PBRM1: variants seen among roughly 807,000 people sequenced by gnomAD.
PBRM1 encodes polybromo 1.
In PBRM1, 27 loss-of-function variants were observed where a neutral mutation model predicts 194.5. The observed-to-expected ratio is 0.14, with a 90% CI of 0.10 to 0.19. The LOEUF (loss-of-function observed/expected upper bound fraction) is 0.19. Ranked by LOEUF, PBRM1 falls within the 10% of genes least tolerant of loss-of-function variation. The pLI is 1.00. For missense variants in PBRM1, 1,466 were observed against 2,077.2 expected, an observed-to-expected ratio of 0.71 and a Z score of 5.72; for synonymous variants, 655 against 693.2, an observed-to-expected ratio of 0.94 and a Z score of 0.87.
exon 24 of PBRM1, chr3:52,563,402 C>T (rs1461443682): frequency 1.9e-6 from 3 of 1,613,978 alleles, no homozygotes; most frequent in South Asian, 2.2e-5. Flanking sequence ...ATATCATCAT[C>T]TCCACCTTCT....
rs369160538 is a variant in PBRM1 at position 52,550,649 on chromosome 3, C to G, written c.4681-12G>C. 3 of 1,552,956 alleles carry G rather than the reference C, an allele frequency of 1.9e-6. No individual in the cohort carries two copies. Among genetic ancestry groups the G allele is most frequent in the African/African-American group, 1.4e-5 (1 of 73,006 alleles). ...CCCAAAACTCCCACCTGAAAGAGCA[C>G]AGGACCACATGGTGAGGCAAAAAGA... On this transcript the variant is annotated splice_polypyrimidine_tract_variant and intron_variant, in intron 28 of 29. Transcript: ENST00000296302.
At chr3:52,653,407 T>C (rs2096546613) in intron 5 of PBRM1, among the ~76,000 whole-genome samples, 1 of 151,744 alleles carries the variant, frequency 6.6e-6, no homozygotes, top group Non-Finnish European at 1.5e-5. Context: ...CTGGCCAACA[T>C]GGTGAAACCC....
rs1282566387 is a variant in PBRM1, at chr3:52,678,353, T to G, written c.236+147A>C. The G allele has an allele frequency of 7.0e-6, 4 of 568,728 alleles. No individual in the cohort carries two copies. The East Asian group carries it at 8.6e-5, about 12-fold the overall frequency. The allele number at this position is 568,728 out of a possible 1,614,324, so 35.2% of individuals were successfully genotyped here. A position where few individuals can be genotyped will look rare whatever the true frequency, so the allele number is the denominator to read the frequency against. On this transcript the variant is annotated intron_variant, in intron 2 of 29. Coordinates refer to ENST00000296302, the Ensembl canonical transcript of PBRM1. ...AATTTAAAAAAAGCTTCACTACAGC[T>G]TGATTACTAAAGACTAAAGACTAAA... is the stretch of plus-strand genomic sequence containing the variant.
At chr3:52,559,846 T>TAAAAA (rs34203062) in intron 25 of PBRM1, among the ~76,000 whole-genome samples, 1 of 125,146 alleles carries the variant, frequency 8.0e-6, no homozygotes, top group Admixed American at 7.9e-5. Flanking sequence ...GAGCTAGCAG[T>TAAAAA]AAAAAAAAAA....
At chr3:52,580,318 G>A (rs1021088779) in intron 20 of PBRM1, among the ~76,000 whole-genome samples, 1 of 152,108 alleles carries the variant, frequency 6.6e-6, no homozygotes, top group African/African-American at 2.4e-5. Flanking sequence ...AACATGGAAA[G>A]GAATAGCATA....
chr3:52,566,499 T>C (rs374920689), intron 22 of PBRM1, among the ~76,000 whole-genome samples: 1 of 152,182 alleles, frequency 6.6e-6, no homozygotes, highest in South Asian at 2.1e-4. Context: ...AATTCTGATA[T>C]ATGATACAAC....
chr3:52,663,768 T>TGGGCATGGTGGCC (rs2096772995), intron 3 of PBRM1, among the ~76,000 whole-genome samples: 2 of 152,104 alleles, frequency 1.3e-5, no homozygotes, highest in Admixed American at 1.3e-4. Flanking sequence ...GTTTAAAAGT[T>TGGGCATGGTGGCC]GGGCATGGTG....
chr3:52,631,217 TCC>T (rs1282881612), intron 11 of PBRM1, among the ~76,000 whole-genome samples: 2 of 151,966 alleles, frequency 1.3e-5, no homozygotes, highest in South Asian at 4.1e-4. Context: ...ACGCCTGTAA[TCC>T]CAGCACTTTG....
At chr3:52,628,594 C>A (rs2095520085) in intron 12 of PBRM1, among the ~76,000 whole-genome samples, 1 of 151,978 alleles carries the variant, frequency 6.6e-6, no homozygotes, top group South Asian at 2.1e-4. Flanking sequence ...CCGCAGCCTC[C>A]TGAGTAGCTG....
Position 52,648,340 on chromosome 3 carries a change from T to C in PBRM1, c.813+4A>G, listed in dbSNP as rs1181699789. 1.9e-6 allele frequency: 3 copies of C among 1,555,776 alleles called. No homozygotes were observed. The highest frequency in any genetic ancestry group is 1.2e-5 in the South Asian group (1 of 86,792). The stretch of plus-strand genomic sequence containing the variant: ...ACAACAACAACAACAACAACAAAAC[T>C]AACCTTGAATACTTGAGAGCCAGGC... On this transcript the variant is annotated splice_donor_region_variant and intron_variant, in intron 7 of 29. Transcript: ENST00000296302.
intron 7 of PBRM1, among the ~76,000 whole-genome samples, chr3:52,647,724 C>T (rs1001673926): frequency 6.6e-6 from 1 of 151,522 alleles, no homozygotes; most frequent in African/African-American, 2.4e-5. Context: ...GGAATCTAGT[C>T]GCAAAAAATC....
intron 18 of PBRM1, among the ~76,000 whole-genome samples, chr3:52,588,583 T>G (rs1289955028): frequency 5.6e-5 from 8 of 143,080 alleles, no homozygotes; most frequent in Non-Finnish European, 1.1e-4. Flanking sequence ...TGAGACAGTC[T>G]CACTCTGTCA....
intron 10 of PBRM1, among the ~76,000 whole-genome samples, chr3:52,641,608 T>A (rs1025125464): frequency 1.3e-5 from 2 of 152,066 alleles, no homozygotes. Context: ...AATTAGAGCA[T>A]ACTGAAAATA....
chr3:52,678,492 G>T lies in PBRM1; in HGVS notation c.236+8C>A, dbSNP rs1176390657. Reference sequence around the variant, plus strand: ...CCCCGCAACTGTACTGATGTGCTTCGAACTCACCTTCGCTTTGGTGCCCTA... The same window carrying T: ...CCCCGCAACTGTACTGATGTGCTTCTAACTCACCTTCGCTTTGGTGCCCTA... On this transcript the variant is annotated splice_region_variant and intron_variant, in intron 2 of 29. Coordinates refer to ENST00000296302, the Ensembl canonical transcript of PBRM1. 1 of 1,584,690 alleles carries T rather than the reference G, an allele frequency of 6.3e-7. No individual in the cohort carries two copies. The highest frequency in any genetic ancestry group is 8.7e-7 in the Non-Finnish European group (1 of 1,153,264).
At chr3:52,656,439 G>A (rs922386106) in intron 5 of PBRM1, among the ~76,000 whole-genome samples, 1 of 152,120 alleles carries the variant, frequency 6.6e-6, no homozygotes, top group Non-Finnish European at 1.5e-5. Flanking sequence ...TGAGGCAGGT[G>A]CATCACTTGA....
At chr3:52,636,316 C>T (rs1046461800) in intron 10 of PBRM1, among the ~76,000 whole-genome samples, 5 of 152,158 alleles carry the variant, frequency 3.3e-5, no homozygotes, top group African/African-American at 9.6e-5. Context: ...GCAAACAAAA[C>T]GTAATTATTT....
rs145500867 is a variant in PBRM1 at position 52,633,176 on chromosome 3, C to T, written c.1301+1426G>A. Among the ~76,000 whole-genome samples the T allele has an allele frequency of 2.8e-4, 42 of 152,122 alleles. No individual in the cohort carries two copies. In the East Asian group the frequency reaches 7.3e-3, roughly 27 times the overall value. Reference sequence around the variant, plus strand: ...CCCCTAGTCCCTGGCAACTACTATTCTATTTTGTCTCTGATTTTTTTTTTT... The same window carrying T: ...CCCCTAGTCCCTGGCAACTACTATTTTATTTTGTCTCTGATTTTTTTTTTT... On this transcript the variant is annotated intron_variant, in intron 11 of 29. Transcript: ENST00000296302.
rs1248548954 is a variant in PBRM1 at position 52,675,881 on chromosome 3, C to T, written c.236+2619G>A. On this transcript the variant is annotated intron_variant, in intron 2 of 29. Coordinates refer to ENST00000296302, the Ensembl canonical transcript of PBRM1. ...CTGTAATCCCAGCACTTTGGGAGGCCGAGGCGGGCGGATCACGAGGTCAGG... is the reference window on the plus strand; with the variant it reads ...CTGTAATCCCAGCACTTTGGGAGGCTGAGGCGGGCGGATCACGAGGTCAGG... Among the ~76,000 whole-genome samples, 8 of 115,080 alleles carry T rather than the reference C, an allele frequency of 7.0e-5. 3 individuals are homozygous for T. The highest frequency in any genetic ancestry group is 1.1e-4 in the African/African-American group (3 of 28,400). The allele number at this position is 115,080 out of a possible 152,430, so 75.5% of individuals were successfully genotyped here. A position where few individuals can be genotyped will look rare whatever the true frequency, so the allele number is the denominator to read the frequency against.
intron 4 of PBRM1, among the ~76,000 whole-genome samples, chr3:52,659,587 A>C (rs1479277178): frequency 1.3e-5 from 2 of 152,046 alleles, no homozygotes; most frequent in South Asian, 2.1e-4. Flanking sequence ...ATGCTTGGCT[A>C]ATTTTTTTAC....
Sources: allele counts gnomAD v4.1 joint callset (sites outside exome capture counted in the v4.1 genomes callset), GRCh38; gene constraint gnomAD v4.1.1; transcripts MANE v1.5; gene names NCBI Gene and HGNC (gene_info 2026-07-23, HGNC 2026-07-21).